Variants in PUM2 observed in about 807,000 individuals in gnomAD.
PUM2 encodes the protein pumilio RNA binding family member 2.
A neutral mutation model predicts 124.5 loss-of-function variants in PUM2; 57 were observed. The observed-to-expected ratio is 0.46, with a 90% CI of 0.37 to 0.57. The LOEUF (loss-of-function observed/expected upper bound fraction) is 0.57, where lower values mean the gene tolerates loss of function less well. PUM2 is among the 20% of genes least tolerant of loss of function. The probability of loss-of-function intolerance (pLI) is 0.00; values close to 1 mark genes in which losing one functional copy is unlikely to be tolerated. For missense variants in PUM2, 1,065 were observed against 1,290.6 expected (o/e 0.83, Z 2.68); for synonymous variants, 460 against 446.1 (o/e 1.03, Z -0.39).
chr2:20,308,269 G>A (rs770836341), intron 6 of PUM2, 45 bp downstream of exon 6: 2 of 1,589,080 alleles, frequency 1.3e-6, no homozygotes, highest in Non-Finnish European at 1.7e-6. Flanking sequence ...GGCTAAACCA[G>A]TATACAGTTA....
rs577483491 is a variant in PUM2, at chr2:20,304,568, AG to A, written c.883+3409del. Among the ~76,000 whole-genome samples the A allele has an allele frequency of 1.2e-4, 18 of 152,342 alleles. No individual in the cohort carries two copies. The South Asian group carries it at 3.7e-3, about 32-fold the overall frequency. On this transcript the variant is annotated intron_variant, in intron 7 of 20. Transcript: ENST00000361078. Reference sequence around the variant, plus strand: ...CTAATAACCATTTTCATGCTTTACCAGCACAGTGGAGTGGTCGTGACCAAAC... The same window carrying A: ...CTAATAACCATTTTCATGCTTTACCACACAGTGGAGTGGTCGTGACCAAAC...
chr2:20,345,139 G>A (rs561440213), intron 1 of PUM2, among the ~76,000 whole-genome samples: 39 of 141,816 alleles, frequency 2.8e-4, no homozygotes, highest in African/African-American at 1.0e-3. Context: ...TCCCTCTGTC[G>A]CCCAGTCTGG....
intron 13 of PUM2, among the ~76,000 whole-genome samples, chr2:20,274,109 A>G (rs970594911): frequency 1.3e-5 from 2 of 152,180 alleles, no homozygotes; most frequent in African/African-American, 2.4e-5. Context: ...GGGAAAGTCT[A>G]TTAATCAACT....
chr2:20,251,000 ATTCT>A lies in PUM2; in HGVS notation c.*581_*584del, dbSNP rs1348588869. On this transcript the variant is annotated 3_prime_UTR_variant, in exon 21 of 21. Transcript: ENST00000361078. Reference sequence around the variant, plus strand: ...GGTTCTTTTCATCTCAAACCACTTTATTCTTGTCTACTTACTCGTTATTTGCATG... The same window carrying A: ...GGTTCTTTTCATCTCAAACCACTTTATGTCTACTTACTCGTTATTTGCATG... The A allele has an allele frequency of 6.6e-6, 1 of 152,630 alleles. No homozygotes were observed. The highest frequency in any genetic ancestry group is 1.5e-5 in the Non-Finnish European group (1 of 68,016). 9.5% of individuals were successfully genotyped at this position (152,630 alleles called of 1,614,324 possible).
chr2:20,320,388 T>C (rs990469794), intron 2 of PUM2, among the ~76,000 whole-genome samples: 3 of 152,104 alleles, frequency 2.0e-5, no homozygotes, highest in African/African-American at 7.2e-5. Context: ...ACCTGTTTAA[T>C]AACTTAAACA....
chr2:20,317,456 A>G (rs1288639472), intron 3 of PUM2, among the ~76,000 whole-genome samples: 1 of 152,230 alleles, frequency 6.6e-6, no homozygotes, highest in Non-Finnish European at 1.5e-5. Context: ...CAATTAGATA[A>G]ATCAGTCACG....
intron 13 of PUM2, among the ~76,000 whole-genome samples, chr2:20,271,165 A>T (rs1178549838): frequency 6.6e-6 from 1 of 152,210 alleles, no homozygotes; most frequent in Non-Finnish European, 1.5e-5. Flanking sequence ...ATATTGAATA[A>T]GTAACAATTT....
intron 3 of PUM2, among the ~76,000 whole-genome samples, chr2:20,314,109 G>GC (rs1342444773): frequency 1.3e-5 from 2 of 152,066 alleles, no homozygotes; most frequent in Non-Finnish European, 2.9e-5. Context: ...TTGTGCCACT[G>GC]CACTCCAGCC....
In PUM2 at chr2:20,308,051, T is replaced by G; in HGVS notation, c.810A>C (p.Ala270=). Residue 270 remains alanine (A), a synonymous_variant, in exon 7 of 21, where the codon GCA becomes GCC. Transcript: ENST00000361078. Reference sequence around the variant, plus strand: ...CTGCAGTTAACTGTTGAACTGTTAGTGCATTAGTCCTCTGAAAGAGCTATT... The same window carrying G: ...CTGCAGTTAACTGTTGAACTGTTAGGGCATTAGTCCTCTGAAAGAGCTATT... ...SQQQLFQRTN[A]LTVQQLTAAQ... 1 of 1,613,288 alleles carries G rather than the reference T, an allele frequency of 6.2e-7. No individual in the cohort carries two copies. The highest frequency in any genetic ancestry group is 8.5e-7 in the Non-Finnish European group (1 of 1,179,272).
At chr2:20,347,671 A>T (rs1442471557) in intron 1 of PUM2, among the ~76,000 whole-genome samples, 1 of 152,256 alleles carries the variant, frequency 6.6e-6, no homozygotes, top group African/African-American at 2.4e-5. Context: ...ACTGACTGAA[A>T]GACACAGTAG....
At chr2:20,271,740 A>G (rs1446751708) in intron 13 of PUM2, among the ~76,000 whole-genome samples, 4 of 152,178 alleles carry the variant, frequency 2.6e-5, no homozygotes, top group African/African-American at 9.7e-5. Context: ...TGACATTCAA[A>G]CTCACTTTTT....
chr2:20,262,136 G>C (rs951229019), intron 14 of PUM2, among the ~76,000 whole-genome samples: 12 of 151,952 alleles, frequency 7.9e-5, no homozygotes, highest in Non-Finnish European at 1.8e-4. Flanking sequence ...TATTATTGAA[G>C]AAAAAAAGTT....
chr2:20,311,205 G>T (rs956431817), intron 5 of PUM2, among the ~76,000 whole-genome samples: 3 of 151,858 alleles, frequency 2.0e-5, no homozygotes, highest in Non-Finnish European at 4.4e-5. Flanking sequence ...TAACAGAGAG[G>T]AAAAAGTTCA....
intron 2 of PUM2, 34 bp downstream of exon 2, chr2:20,327,276 G>T: frequency 7.4e-7 from 1 of 1,359,234 alleles, no homozygotes; most frequent in Non-Finnish European, 1.0e-6. Context: ...AAAATAAAGT[G>T]AGGTGTAAGT....
rs1679844329 is a variant in PUM2 at position 20,312,501 on chromosome 2, T to A, written c.161-78A>T. 5 of 1,303,418 alleles carry A rather than the reference T, an allele frequency of 3.8e-6. No individual in the cohort carries two copies. The Admixed American group carries it at 1.0e-4, about 26-fold the overall frequency. The allele number at this position is 1,303,418 out of a possible 1,614,324, so 80.7% of individuals were successfully genotyped here. A position where few individuals can be genotyped will look rare whatever the true frequency, so the allele number is the denominator to read the frequency against. On this transcript the variant is annotated intron_variant, in intron 3 of 20. Coordinates refer to ENST00000361078, the MANE Select transcript of PUM2 (RefSeq NM_015317.5). ...ATGTAGTTAAATTAATATACTGAAG[T>A]AAGAAAAATCAGCACATTGTTTTAT... is the stretch of plus-strand genomic sequence containing the variant.
chr2:20,348,810 C>G (rs1055322893), intron 1 of PUM2, among the ~76,000 whole-genome samples: 2 of 152,178 alleles, frequency 1.3e-5, no homozygotes, highest in African/African-American at 2.4e-5. Flanking sequence ...GTACCCCCAG[C>G]TACAGTTACT....
At chr2:20,255,414 TG>T (rs1167237073) in intron 17 of PUM2, 73 bp from the exon 18 acceptor site, 868 of 1,444,186 alleles carry the variant, frequency 6.0e-4, no homozygotes, top group Non-Finnish European at 6.9e-4. Context: ...CAGACTGGTT[TG>T]TTTTTTTTTT....
At chr2:20,336,300 TCAG>T (rs1686008836) in intron 1 of PUM2, among the ~76,000 whole-genome samples, 1 of 151,880 alleles carries the variant, frequency 6.6e-6, no homozygotes, top group Non-Finnish European at 1.5e-5. Flanking sequence ...ATCCATCTAC[TCAG>T]TATCCTAAGG....
At chr2:20,295,212 T>G (rs1480279293) in intron 8 of PUM2, among the ~76,000 whole-genome samples, 2 of 152,218 alleles carry the variant, frequency 1.3e-5, no homozygotes, top group Non-Finnish European at 2.9e-5. Context: ...GTCTACTTTA[T>G]TCAAGATAAT....
Sources: allele counts gnomAD v4.1 joint callset (sites outside exome capture counted in the v4.1 genomes callset), GRCh38; gene constraint gnomAD v4.1.1; transcripts MANE v1.5; gene names NCBI Gene and HGNC (gene_info 2026-07-23, HGNC 2026-07-21).